Variants in ZSCAN18 observed in about 807,000 individuals in gnomAD.
ZSCAN18 encodes zinc finger and SCAN domain containing 18, also known as zinc finger and SCAN domain-containing protein 18.
ZSCAN18 carries 16 observed loss-of-function variants against 31.1 expected under a neutral mutation model. The observed-to-expected ratio is 0.51, with a 90% CI of 0.35 to 0.78. ZSCAN18 has a LOEUF of 0.78. Ranked by LOEUF, ZSCAN18 falls within the 30% of genes least tolerant of loss-of-function variation. The probability of loss-of-function intolerance (pLI) is 0.01; values close to 1 mark genes in which losing one functional copy is unlikely to be tolerated. For missense variants in ZSCAN18, 731 were observed against 697.4 expected (o/e 1.05, Z -0.54); for synonymous variants, 375 against 320.7 (o/e 1.17, Z -1.81).
intron 1 of ZSCAN18, chr19:58,108,501 G>A: frequency 3.0e-6 from 3 of 985,966 alleles, no homozygotes; most frequent in Non-Finnish European, 3.6e-6. Flanking sequence ...CCCACTTCTT[G>A]CATTTATAGG....
At chr19:58,087,511 T>C (rs1015335264) in intron 3 of ZSCAN18, 107 bp from the exon 4 acceptor site, 3 of 960,936 alleles carry the variant, frequency 3.1e-6, no homozygotes, top group Admixed American at 2.3e-5. Context: ...AGTGTGCTTC[T>C]GTGACAGCAG....
chr19:58,095,001 G>A (rs2074493621), intron 1 of ZSCAN18, among the ~76,000 whole-genome samples: 1 of 151,886 alleles, frequency 6.6e-6, no homozygotes, highest in East Asian at 1.9e-4. Context: ...AGGCTGCAGT[G>A]AGCTATGTTT....
chr19:58,108,540 T>C, intron 1 of ZSCAN18: 1 of 986,112 alleles, frequency 1.0e-6, no homozygotes, highest in Non-Finnish European at 1.2e-6. Context: ...TTTTTTGATG[T>C]ACAATCAGGT....
At chr19:58,085,516 A>G (rs542604360) in intron 6 of ZSCAN18, 137 bp from the exon 7 acceptor site, 1 of 751,910 alleles carries the variant, frequency 1.3e-6, no homozygotes, top group Non-Finnish European at 2.1e-6. Context: ...GCTGTTTGGA[A>G]GCAGCGCTGT....
chr19:58,094,351 C>T (rs1390067791), intron 1 of ZSCAN18, among the ~76,000 whole-genome samples: 9 of 151,164 alleles, frequency 6.0e-5, no homozygotes, highest in Non-Finnish European at 1.0e-4. Flanking sequence ...GCGGAGCTTG[C>T]AGTGAGCCGA....
At chr19:58,101,430 T>C (rs1240405851), upstream of ZSCAN18, among the ~76,000 whole-genome samples, 1 of 151,166 alleles carries the variant, frequency 6.6e-6, no homozygotes, top group Non-Finnish European at 1.5e-5. Flanking sequence ...ATTACAGGCA[T>C]GAGCCACTGC....
At position 58,088,765 on chromosome 19, in the gene ZSCAN18, G is replaced by A. The variant is rs1454654396; in HGVS notation, c.476C>T (p.Pro159Leu). The A allele has an allele frequency of 1.2e-6, 2 of 1,611,172 alleles. No individual in the cohort carries two copies. The highest frequency in any genetic ancestry group is 1.7e-6 in the Non-Finnish European group (2 of 1,179,992). Reference protein sequence around the residue: ...SDGVYERHMDPLLLPGELASP... With the variant: ...SDGVYERHMDLLLLPGELASP... ...CGCGAGCTCGCCTGGTAGCAGCAGA[G>A]GGTCCATGTGCCTCTCGTACACTCC... Residue 159 changes from proline (P) to leucine (L), a missense_variant, in exon 3 of 7, where the codon CCT becomes CTT. This residue lies in a region of ZSCAN18 where 597 missense variants were observed against 499.5 expected (regional missense o/e 1.20). Transcript: ENST00000601144.
At chr19:58,117,622 T>C (rs1035955678) in intron 1 of ZSCAN18, among the ~76,000 whole-genome samples, 11 of 148,288 alleles carry the variant, frequency 7.4e-5, no homozygotes, top group Non-Finnish European at 1.6e-4. Flanking sequence ...CCAAATCTTG[T>C]GAGGAGAGGC....
intron 6 of ZSCAN18, 118 bp downstream of exon 6, chr19:58,086,056 G>C: frequency 1.3e-6 from 1 of 772,060 alleles, no homozygotes; most frequent in African/African-American, 1.7e-5. Flanking sequence ...TGGGAGAATG[G>C]TGAAGCAGTC....
chr19:58,113,613 C>T lies in ZSCAN18; in HGVS notation c.130+4654G>A, dbSNP rs958219322. ...ACCCAGTTTCCAGCTTGACTTTTCT[C>T]TTTGACTAAATGAGTTTGGAGTCCC... On this transcript the variant is annotated intron_variant, in intron 1 of 1. Coordinates refer to the ZSCAN18 transcript ENST00000595721. Among the ~76,000 whole-genome samples, 3 of 152,236 alleles carry T rather than the reference C, an allele frequency of 2.0e-5. No homozygotes were observed. In the South Asian group the frequency reaches 6.2e-4, roughly 32 times the overall value.
intron 1 of ZSCAN18, among the ~76,000 whole-genome samples, chr19:58,106,177 G>A (rs2146022124): frequency 6.6e-6 from 1 of 152,184 alleles, no homozygotes; most frequent in Admixed American, 6.5e-5. Flanking sequence ...TGAGGCAAGA[G>A]GATCACTTCG....
At chr19:58,117,559 G>T (rs1163729138) in intron 1 of ZSCAN18, among the ~76,000 whole-genome samples, 3 of 152,028 alleles carry the variant, frequency 2.0e-5, no homozygotes, top group Non-Finnish European at 4.4e-5. Flanking sequence ...GATGAAAAGT[G>T]GGGAAAGCGT....
rs556718520 is a variant in ZSCAN18 at position 58,097,364 on chromosome 19, G to A, written c.-120+810C>T. On this transcript the variant is annotated intron_variant, in intron 1 of 6. Coordinates refer to ENST00000601144, the MANE Select transcript of ZSCAN18 (RefSeq NM_001145543.2). Reference sequence around the variant, plus strand: ...GGGTGAGAGAAAGGAAATGGGGAAGGAGTGATGGGAGGGTGAGTCAGGCCC... The same window carrying A: ...GGGTGAGAGAAAGGAAATGGGGAAGAAGTGATGGGAGGGTGAGTCAGGCCC... Among the ~76,000 whole-genome samples the A allele has an allele frequency of 3.3e-5, 5 of 152,002 alleles. No homozygotes were observed. The East Asian group carries it at 9.7e-4, about 29-fold the overall frequency.
chr19:58,090,176 T>G lies in ZSCAN18; in HGVS notation c.92A>C (p.Gln31Pro). The G allele has an allele frequency of 6.2e-7, 1 of 1,613,766 alleles. No homozygotes were observed. The highest frequency in any genetic ancestry group is 8.5e-7 in the Non-Finnish European group (1 of 1,179,968). ...CTCAGGGATGGTCTCGGGTTCTTCC[T>G]GCTGGACTCCGGCTGCTGACCCCGG... Reference protein sequence around the residue: ...PTPGSAAGVQQEEPETIPERT... With the variant: ...PTPGSAAGVQPEEPETIPERT... The change falls in exon 2 of 7, where the codon CAG becomes CCG. Residue 31 changes from glutamine to proline, a missense_variant. Around this residue, in one of 4 missense-constraint regions of ZSCAN18, gnomAD observed 86 missense variants for 119.1 expected, o/e 0.72. Coordinates refer to ENST00000601144, the MANE Select transcript of ZSCAN18 (RefSeq NM_001145543.2). The surrounding 1 kb of genome is among the most constrained non-coding windows in gnomAD (Gnocchi z 4.7).
Position 58,118,282 on chromosome 19 carries a change from G to GCT in ZSCAN18, c.113_114dup (p.Pro39SerfsTer35), listed in dbSNP as rs1568648518. ...TTGACCCCACCCTCACTAGGCCTTG[G>GCT]CTCCGCGACCGGTGGGCGGGAACGG... On this transcript the variant is annotated frameshift_variant, in exon 1 of 2. Coordinates refer to the ZSCAN18 transcript ENST00000595721. LOFTEE classifies it low-confidence loss of function (END_TRUNC). 3 of 1,491,012 alleles carry GCT rather than the reference G, an allele frequency of 2.0e-6. No individual in the cohort carries two copies. In the South Asian group the frequency reaches 3.9e-5, roughly 19 times the overall value. 92.4% of individuals were successfully genotyped at this position (1,491,012 alleles called of 1,614,324 possible).
upstream of ZSCAN18, among the ~76,000 whole-genome samples, chr19:58,101,524 T>TA (rs1231106978): frequency 1.5e-4 from 2 of 13,646 alleles, no homozygotes; most frequent in East Asian, 2.1e-3. Context: ...TTCTTCTTTT[T>TA]TTTTTTTTTT....
exon 1 of ZSCAN18, chr19:58,118,316 G>A (rs892989633): frequency 3.3e-6 from 5 of 1,529,868 alleles, no homozygotes; most frequent in Admixed American, 2.0e-5. Context: ...GGAGGAAACA[G>A]ACCCGAGAGG....
intron 1 of ZSCAN18, among the ~76,000 whole-genome samples, chr19:58,091,536 AT>A (rs2074410105): frequency 1.2e-5 from 1 of 82,062 alleles, no homozygotes; most frequent in African/African-American, 4.6e-5. Context: ...AGCAAGGACA[AT>A]GGGGGGTGGG....
chr19:58,112,856 C>A lies in ZSCAN18; in HGVS notation c.130+5411G>T, dbSNP rs183825881. ...ATCCCAGCTACTCGGGAGGCTGAAG[C>A]AGGGGAATCACTTGAACCTGGGAGG... is the stretch of plus-strand genomic sequence containing the variant. On this transcript the variant is annotated intron_variant, in intron 1 of 1. Coordinates refer to the ZSCAN18 transcript ENST00000595721. Among the ~76,000 whole-genome samples, 663 of 133,748 alleles carry A rather than the reference C, an allele frequency of 5.0e-3. 11 individuals carry two copies. Among genetic ancestry groups the A allele is most frequent in the African/African-American group, 0.018 (628 of 35,608 alleles). The allele number at this position is 133,748 out of a possible 152,430, so 87.7% of individuals were successfully genotyped here.
Sources: gnomAD v4.1 joint callset for allele counts (sites outside exome capture counted in the v4.1 genomes callset) on GRCh38, gnomAD v4.1.1 for gene constraint, gnomAD v4.1.1 regional missense constraint, Gnocchi (gnomAD v3.1) non-coding constraint, MANE v1.5 for transcripts, NCBI Gene and HGNC (gene_info 2026-07-23, HGNC 2026-07-21) for gene names.